Variants in FBXL17 observed in about 807,000 individuals in gnomAD.
FBXL17 encodes the protein F-box/LRR-repeat protein 17.
FBXL17 carries 22 observed loss-of-function variants against 66.2 expected under a neutral mutation model. The observed-to-expected ratio is 0.33, with a 90% CI of 0.24 to 0.47. The LOEUF is 0.47. FBXL17 is among the 20% of genes least tolerant of loss of function. The pLI is 1.00. For missense variants in FBXL17, 878 were observed against 948.2 expected, an observed-to-expected ratio of 0.93 and a Z score of 0.97; for synonymous variants, 474 against 400.5, an observed-to-expected ratio of 1.18 and a Z score of -2.19.
chr5:107,925,528 G>T (rs925969713), intron 7 of FBXL17, among the ~76,000 whole-genome samples: 1 of 152,190 alleles, frequency 6.6e-6, no homozygotes, highest in African/African-American at 2.4e-5. Flanking sequence ...ATATGGTGCT[G>T]GCTAGAAATG....
chr5:107,861,912 C>A, intron 8 of FBXL17, 52 bp from the exon 9 acceptor site: 12 of 1,409,814 alleles, frequency 8.5e-6, no homozygotes, highest in Non-Finnish European at 1.1e-5. Context: ...AACACCACGC[C>A]GCTGCCCACG....
Position 108,234,289 on chromosome 5 carries a change from A to C in FBXL17, c.1507-10061T>G, listed in dbSNP as rs80206792. On this transcript the variant is annotated intron_variant, in intron 4 of 8. Transcript: ENST00000542267. Reference sequence around the variant, plus strand: ...GTTGAAGAGAGAATAGACAATAAAAATAGCTACATTTACTAAGGCCTTAAC... The same window carrying C: ...GTTGAAGAGAGAATAGACAATAAAACTAGCTACATTTACTAAGGCCTTAAC... 1.0e-2 allele frequency among the ~76,000 whole-genome samples: 1,520 copies of C among 152,262 alleles called. 21 individuals carry two copies. The highest frequency in any genetic ancestry group is 0.035 in the African/African-American group (1,445 of 41,546).
intron 8 of FBXL17, among the ~76,000 whole-genome samples, chr5:107,870,569 C>A (rs1166129266): frequency 6.6e-6 from 1 of 151,846 alleles, no homozygotes; most frequent in Non-Finnish European, 1.5e-5. Flanking sequence ...GGAGAGGGTA[C>A]TCACGATTAG....
chr5:108,132,378 CTG>C (rs1345158374), intron 6 of FBXL17, among the ~76,000 whole-genome samples: 3 of 152,288 alleles, frequency 2.0e-5, no homozygotes, highest in East Asian at 3.8e-4. Context: ...AGACCAAAAT[CTG>C]TGTTTGTTAT....
intron 7 of FBXL17, among the ~76,000 whole-genome samples, chr5:107,927,727 G>GA (rs770883232): frequency 1.8e-4 from 28 of 151,682 alleles, no homozygotes; most frequent in Admixed American, 4.6e-4. Context: ...TTACAAAGGG[G>GA]AAAAAAAATC....
chr5:107,868,305 T>C (rs1452366359), intron 8 of FBXL17, among the ~76,000 whole-genome samples: 2 of 152,242 alleles, frequency 1.3e-5, no homozygotes, highest in African/African-American at 4.8e-5. Flanking sequence ...GTTTTTTTAC[T>C]GAACATAAAA....
intron 1 of FBXL17, among the ~76,000 whole-genome samples, chr5:108,369,129 C>G (rs923255430): frequency 6.6e-6 from 1 of 152,182 alleles, no homozygotes; most frequent in Admixed American, 6.5e-5. Context: ...ATTGCTTCCT[C>G]TGCCATATTG....
rs1760041100 is a variant in FBXL17 at position 108,329,926 on chromosome 5, G to C, written c.1506+18473C>G. On this transcript the variant is annotated intron_variant, in intron 4 of 8. Transcript: ENST00000542267. ...TTAGATAGGTAAATACAACATAATA[G>C]GAAATTACTCCTATTAGTTAAAAGT... 2.6e-5 allele frequency among the ~76,000 whole-genome samples: 4 copies of C among 152,004 alleles called. No individual in the cohort carries two copies. The South Asian group carries it at 8.3e-4, about 31-fold the overall frequency.
intron 6 of FBXL17, among the ~76,000 whole-genome samples, chr5:108,174,561 A>G (rs1752722044): frequency 6.6e-6 from 1 of 152,090 alleles, no homozygotes; most frequent in Non-Finnish European, 1.5e-5. Context: ...TTTGCACCAG[A>G]GCAATTAACC....
At position 108,215,418 on chromosome 5, in the gene FBXL17, G is replaced by A. The variant is rs928313562; in HGVS notation, c.1614+8703C>T. On this transcript the variant is annotated intron_variant, in intron 5 of 8. Transcript: ENST00000542267. The stretch of plus-strand genomic sequence containing the variant: ...TTACAACCATCCTAGTAGGTGTGAA[G>A]CTGTACCTCACTGGGGTTTCCGATT... Among the ~76,000 whole-genome samples, 5 of 152,164 alleles carry A rather than the reference G, an allele frequency of 3.3e-5. No homozygotes were observed. In the East Asian group the frequency reaches 9.6e-4, roughly 29 times the overall value.
chr5:107,994,929 T>A (rs1459955372), intron 7 of FBXL17, among the ~76,000 whole-genome samples: 1 of 152,116 alleles, frequency 6.6e-6, no homozygotes, highest in Non-Finnish European at 1.5e-5. Context: ...ATAAGATAAG[T>A]TAATATTAAT....
intron 7 of FBXL17, among the ~76,000 whole-genome samples, chr5:108,011,715 T>A (rs1377153325): frequency 6.6e-6 from 1 of 152,134 alleles, no homozygotes; most frequent in Non-Finnish European, 1.5e-5. Flanking sequence ...TCCCAGCTAC[T>A]GGGGAGGCTG....
intron 5 of FBXL17, among the ~76,000 whole-genome samples, chr5:108,186,712 T>G (rs952115689): frequency 6.7e-6 from 1 of 150,306 alleles, no homozygotes; most frequent in Non-Finnish European, 1.5e-5. Context: ...GAGGTTGCAG[T>G]GAGCCCAGAT....
intron 7 of FBXL17, among the ~76,000 whole-genome samples, chr5:107,959,487 G>T (rs908428507): frequency 1.3e-5 from 2 of 151,222 alleles, no homozygotes; most frequent in Non-Finnish European, 2.9e-5. Flanking sequence ...ACCTGCCTTC[G>T]CCTGGTTCTA....
intron 6 of FBXL17, among the ~76,000 whole-genome samples, chr5:108,138,446 G>A (rs12523367): frequency 6.6e-6 from 1 of 151,772 alleles, no homozygotes; most frequent in Non-Finnish European, 1.5e-5. Context: ...GATATCATAC[G>A]TTTTTTTCTT....
At chr5:108,292,873 G>A (rs1758172573) in intron 4 of FBXL17, among the ~76,000 whole-genome samples, 1 of 152,166 alleles carries the variant, frequency 6.6e-6, no homozygotes, top group Admixed American at 6.5e-5. Context: ...GACGAGGCGG[G>A]TGGATCACGA....
intron 6 of FBXL17, among the ~76,000 whole-genome samples, chr5:108,081,486 C>T (rs1466824543): frequency 6.6e-6 from 1 of 151,996 alleles, no homozygotes; most frequent in Non-Finnish European, 1.5e-5. Context: ...CTTTGGGAGG[C>T]CAAGGAGAGC....
intron 6 of FBXL17, among the ~76,000 whole-genome samples, chr5:108,153,859 C>T (rs1405092958): frequency 6.6e-6 from 1 of 152,122 alleles, no homozygotes; most frequent in Non-Finnish European, 1.5e-5. Context: ...TTAAAACATC[C>T]AAAATGCTCA....
intron 6 of FBXL17, among the ~76,000 whole-genome samples, chr5:108,146,176 G>A (rs1291795470): frequency 6.6e-6 from 1 of 151,514 alleles, no homozygotes; most frequent in Non-Finnish European, 1.5e-5. Context: ...AGCTTGCAGT[G>A]AGCCGAGATG....
Sources: allele counts gnomAD v4.1 joint callset (sites outside exome capture counted in the v4.1 genomes callset), GRCh38; gene constraint gnomAD v4.1.1; transcripts MANE v1.5; gene names NCBI Gene and HGNC (gene_info 2026-07-23, HGNC 2026-07-21).